Variants in DIAPH2 observed in about 807,000 individuals in gnomAD.
DIAPH2 encodes protein diaphanous homolog 2.
In DIAPH2, 35 loss-of-function variants were observed where a neutral mutation model predicts 92.7. The observed-to-expected ratio is 0.38, with a 90% confidence interval of 0.29 to 0.50. DIAPH2 has a LOEUF of 0.50. Ranked by LOEUF, DIAPH2 falls within the 20% of genes least tolerant of loss-of-function variation. DIAPH2 has a pLI of 0.94. For synonymous variants in DIAPH2, 301 were observed against 280.4 expected, an observed-to-expected ratio of 1.07 and a Z score of -0.73; for missense variants, 701 against 819.5, an observed-to-expected ratio of 0.86 and a Z score of 1.77.
intron 1 of DIAPH2, among the ~76,000 whole-genome samples, chrX:96,709,228 A>G (rs1387423199): frequency 2.7e-5 from 3 of 112,323 alleles, no homozygotes; most frequent in South Asian, 3.7e-4. Context: ...AAATCTGTCT[A>G]TCAGTCACTT....
chrX:97,353,499 T>A (rs1387410675), intron 24 of DIAPH2, among the ~76,000 whole-genome samples: 1 of 111,373 alleles, frequency 9.0e-6, no homozygotes, highest in Admixed American at 9.6e-5. Context: ...TTTGCTTTTT[T>A]AAAGAACAAT....
In DIAPH2 at chrX:97,110,995, C is replaced by CA. The variant is rs1361391824; in HGVS notation, c.2350-3720dup. Among the ~76,000 whole-genome samples, 49 of 100,813 alleles carry CA rather than the reference C, an allele frequency of 4.9e-4. 1 individual carries two copies. The highest frequency in any genetic ancestry group is 1.5e-3 in the African/African-American group (41 of 27,461). 87.5% of individuals were successfully genotyped at this position (100,813 alleles called of 115,157 possible). ...GAGACTCCGTCTCAAAAAAAACAAA[C>CA]AAAAAAAAAAAGATGCCCTATTTGA... On this transcript the variant is annotated intron_variant, in intron 20 of 26. Coordinates refer to ENST00000324765, the MANE Select transcript of DIAPH2 (RefSeq NM_006729.5).
intron 7 of DIAPH2, among the ~76,000 whole-genome samples, chrX:96,915,300 A>T (rs1443192176): frequency 9.0e-6 from 1 of 110,962 alleles, no homozygotes; most frequent in Admixed American, 9.6e-5. Context: ...TCAGTTTTGC[A>T]AATGTGTTTT....
intron 17 of DIAPH2, among the ~76,000 whole-genome samples, chrX:96,971,274 A>T (rs758785666): frequency 6.2e-5 from 7 of 112,238 alleles, no homozygotes; most frequent in African/African-American, 2.3e-4. Flanking sequence ...TCCAGCTGTG[A>T]TACTTGTAAC....
At chrX:96,690,360 A>T (rs1378217594) in intron 1 of DIAPH2, among the ~76,000 whole-genome samples, 1 of 111,646 alleles carries the variant, frequency 9.0e-6, no homozygotes, top group Non-Finnish European at 1.9e-5. Context: ...CCAGTTGGGG[A>T]TAATGCTGCC....
chrX:97,167,392 A>G (rs941805742), intron 22 of DIAPH2, among the ~76,000 whole-genome samples: 1 of 111,731 alleles, frequency 9.0e-6, no homozygotes, highest in Admixed American at 9.6e-5. Context: ...ATTAACCATC[A>G]AAGCAGCGGT....
At chrX:96,960,633 A>G (rs779675025) in intron 16 of DIAPH2, among the ~76,000 whole-genome samples, 5 of 111,386 alleles carry the variant, frequency 4.5e-5, no homozygotes, top group African/African-American at 9.8e-5. Flanking sequence ...TTCCAGTACT[A>G]TGTTGAATAG....
intron 1 of DIAPH2, among the ~76,000 whole-genome samples, chrX:96,686,104 C>T (rs759025374): frequency 1.8e-5 from 2 of 111,694 alleles, no homozygotes. Flanking sequence ...TGTACAAATT[C>T]AGCAGATACT....
At chrX:97,131,111 T>C (rs996829192) in intron 21 of DIAPH2, among the ~76,000 whole-genome samples, 1 of 109,094 alleles carries the variant, frequency 9.2e-6, no homozygotes, top group Non-Finnish European at 1.9e-5. Flanking sequence ...CTCAAAAAAA[T>C]AAATAAATAA....
At chrX:97,358,660 C>G (rs773045399) in intron 24 of DIAPH2, among the ~76,000 whole-genome samples, 2 of 110,595 alleles carry the variant, frequency 1.8e-5, no homozygotes, top group East Asian at 5.6e-4. Flanking sequence ...CTACTTTTTT[C>G]TATAGCTTTG....
At chrX:97,441,967 T>C (rs186974948) in intron 26 of DIAPH2, 11 of 112,906 alleles carry the variant, frequency 9.7e-5, no homozygotes, top group Admixed American at 8.4e-4. Flanking sequence ...AGAGAACAAA[T>C]TGAGCATGGA....
chrX:97,398,464 A>G (rs1046306283), intron 25 of DIAPH2, among the ~76,000 whole-genome samples: 4 of 111,098 alleles, frequency 3.6e-5, no homozygotes, highest in African/African-American at 1.3e-4. Context: ...GAAAGTATCT[A>G]TTTTCAACTG....
chrX:97,524,606 C>T (rs1233696600), intron 26 of DIAPH2, among the ~76,000 whole-genome samples: 1 of 112,070 alleles, frequency 8.9e-6, no homozygotes, highest in Non-Finnish European at 1.9e-5. Context: ...TAGAACACAA[C>T]CCTAGAAAAA....
chrX:97,300,945 AAAAAAAAAAAAAAAAAAAAAG>A (rs1169267209), intron 23 of DIAPH2, among the ~76,000 whole-genome samples: 7 of 55,893 alleles, frequency 1.3e-4, no homozygotes, highest in Admixed American at 4.8e-4. Context: ...AAAAAAAAAA[AAAAAAAAAAAAAAAAAAAAAG>A]AAGAAGAAGA....
At chrX:97,274,109 T>C (rs993707580) in intron 23 of DIAPH2, among the ~76,000 whole-genome samples, 3 of 97,353 alleles carry the variant, frequency 3.1e-5, no homozygotes, top group Non-Finnish European at 4.2e-5. Context: ...CTAAAGTGCA[T>C]GAATTAAAAA....
At chrX:97,579,013 GGGT>G (rs1481140312) in intron 26 of DIAPH2, among the ~76,000 whole-genome samples, 8 of 93,404 alleles carry the variant, frequency 8.6e-5, no homozygotes, top group Non-Finnish European at 1.7e-4. Flanking sequence ...CTTTTTGATG[GGGT>G]TGTTTGTTTT....
In DIAPH2 at chrX:97,099,725, T is replaced by G; in HGVS notation, c.2279T>G (p.Ile760Arg). 1 of 1,186,892 alleles carries G rather than the reference T, an allele frequency of 8.4e-7. No individual in the cohort carries two copies. Reference sequence around the variant, plus strand: ...GTGAAACATCTTCCTGAGCAGAAGATACTCAACGAATTAGCAGAGCTTAAG... The same window carrying G: ...GTGAAACATCTTCCTGAGCAGAAGAGACTCAACGAATTAGCAGAGCTTAAG... ...NLVKHLPEQK[I>R]LNELAELKNE... is the part of the protein sequence containing the mutation. Residue 760 changes from isoleucine to arginine, a missense_variant, in exon 20 of 27, where the codon ATA becomes AGA. By Grantham distance (97) the Ile-to-Arg change is moderately conservative. This residue lies in a region of DIAPH2 where 536 missense variants were observed against 599.3 expected (regional missense o/e 0.89). Coordinates refer to ENST00000324765, the MANE Select transcript of DIAPH2 (RefSeq NM_006729.5).
chrX:97,002,343 T>C (rs2066150448), intron 17 of DIAPH2, among the ~76,000 whole-genome samples: 1 of 111,137 alleles, frequency 9.0e-6, no homozygotes, highest in Non-Finnish European at 1.9e-5. Context: ...CCCATCCCTA[T>C]ATAGAGTGGA....
intron 4 of DIAPH2, among the ~76,000 whole-genome samples, chrX:96,837,427 CTCTCTCTGTGTGTGTGTG>C (rs1476691142): frequency 2.5e-5 from 1 of 40,023 alleles, no homozygotes; most frequent in Non-Finnish European, 4.0e-5. Flanking sequence ...CTCTCTCTCT[CTCTCTCTGTGTGTGTGTG>C]TGTGTGTGTG....
Sources: gnomAD v4.1 joint callset for allele counts (sites outside exome capture counted in the v4.1 genomes callset) on GRCh38, gnomAD v4.1.1 for gene constraint, gnomAD v4.1.1 regional missense constraint, MANE v1.5 for transcripts, NCBI Gene and HGNC (gene_info 2026-07-23, HGNC 2026-07-21) for gene names.